Variants in PPP1R14C observed in about 807,000 individuals in gnomAD.
The protein encoded by PPP1R14C is protein phosphatase 1 regulatory inhibitor subunit 14C, also known as protein phosphatase 1 regulatory subunit 14C.
Under a neutral mutation model 20.4 loss-of-function variants are expected in PPP1R14C, and 16 were observed. The observed-to-expected ratio is 0.78, with a 90% CI of 0.53 to 1.19. The LOEUF is 1.19. PPP1R14C is among the 50% of genes most tolerant of loss of function. PPP1R14C has a pLI of 0.00. For missense variants in PPP1R14C, 211 were observed against 220.1 expected (o/e 0.96, Z 0.26); for synonymous variants, 91 against 91.0 (o/e 1.00, Z 0.00).
At chr6:150,188,644 G>A (rs1350487926) in intron 1 of PPP1R14C, among the ~76,000 whole-genome samples, 9 of 150,438 alleles carry the variant, frequency 6.0e-5, no homozygotes, top group African/African-American at 2.2e-4. Context: ...CCACCACCAC[G>A]CCCGGCTAAT....
intron 1 of PPP1R14C, among the ~76,000 whole-genome samples, chr6:150,170,946 A>G (rs1453872822): frequency 6.6e-6 from 1 of 152,004 alleles, no homozygotes; most frequent in East Asian, 1.9e-4. Context: ...TGTTTTTTAG[A>G]GCAGTTTTAG....
intron 1 of PPP1R14C, among the ~76,000 whole-genome samples, chr6:150,149,076 A>AT (rs1777212586): frequency 6.6e-6 from 1 of 152,132 alleles, no homozygotes; most frequent in African/African-American, 2.4e-5. Flanking sequence ...GAAAAAAAAA[A>AT]GTCAGTAGAT....
intron 1 of PPP1R14C, among the ~76,000 whole-genome samples, chr6:150,202,316 G>A (rs1361395156): frequency 2.0e-5 from 3 of 151,870 alleles, no homozygotes; most frequent in African/African-American, 7.2e-5. Flanking sequence ...GGGTCCCACG[G>A]AAGAGGCACT....
At chr6:150,189,792 A>C (rs536375494) in intron 1 of PPP1R14C, among the ~76,000 whole-genome samples, 8 of 152,320 alleles carry the variant, frequency 5.3e-5, no homozygotes, top group Non-Finnish European at 1.0e-4. Flanking sequence ...ACACCTCTGG[A>C]TAAAACTGTG....
chr6:150,212,470 C>A (rs1778038187), intron 1 of PPP1R14C, among the ~76,000 whole-genome samples: 1 of 151,510 alleles, frequency 6.6e-6, no homozygotes, highest in African/African-American at 2.4e-5. Context: ...CTATGCAAGT[C>A]AAAGCCTGTT....
chr6:150,230,354 T>A (rs1371827046), intron 3 of PPP1R14C, among the ~76,000 whole-genome samples: 1 of 152,194 alleles, frequency 6.6e-6, no homozygotes, highest in Non-Finnish European at 1.5e-5. Flanking sequence ...TGCTGTAAGT[T>A]GGCAGCCAGC....
At chr6:150,146,687 C>T (rs1253221623) in intron 1 of PPP1R14C, among the ~76,000 whole-genome samples, 2 of 152,170 alleles carry the variant, frequency 1.3e-5, no homozygotes, top group African/African-American at 4.8e-5. Context: ...GTGATGTCCC[C>T]CTAGGCCAGA....
chr6:150,220,101 C>T (rs944631306), intron 3 of PPP1R14C, among the ~76,000 whole-genome samples: 7 of 152,094 alleles, frequency 4.6e-5, no homozygotes, highest in Non-Finnish European at 7.4e-5. Flanking sequence ...GTGATCCACC[C>T]ACCTTGGCCT....
At chr6:150,168,363 C>T (rs886708155) in intron 1 of PPP1R14C, among the ~76,000 whole-genome samples, 9 of 151,824 alleles carry the variant, frequency 5.9e-5, no homozygotes, top group South Asian at 2.1e-4. Context: ...GGTGAAACCC[C>T]GTCTCTACTA....
intron 3 of PPP1R14C, among the ~76,000 whole-genome samples, chr6:150,230,073 GTGTGA>G (rs1562275361): frequency 2.0e-5 from 3 of 152,138 alleles, no homozygotes; most frequent in African/African-American, 7.2e-5. Flanking sequence ...GGAGTTTTCA[GTGTGA>G]TTTTTAAATG....
At chr6:150,203,418 C>A (rs1207271775) in intron 1 of PPP1R14C, among the ~76,000 whole-genome samples, 3 of 152,178 alleles carry the variant, frequency 2.0e-5, no homozygotes, top group African/African-American at 4.8e-5. Context: ...TTTTATACTC[C>A]AAGTGCAGTG....
chr6:150,201,093 G>A lies in PPP1R14C; in HGVS notation c.307-13651G>A, dbSNP rs757915709. Among the ~76,000 whole-genome samples, 3 of 152,198 alleles carry A rather than the reference G, an allele frequency of 2.0e-5. No homozygotes were observed. The highest frequency in any genetic ancestry group is 4.4e-5 in the Non-Finnish European group (3 of 68,042). On this transcript the variant is annotated intron_variant, in intron 1 of 3. Coordinates refer to ENST00000361131, the MANE Select transcript of PPP1R14C (RefSeq NM_030949.3). The surrounding 1 kb of genome is among the most constrained non-coding windows in gnomAD (Gnocchi z 4.2). ...TGTCCAGGTTTGGAACTAAGGAAGC[G>A]ATCGGCCCTATTGGGCAGGATACTC...
intron 1 of PPP1R14C, among the ~76,000 whole-genome samples, chr6:150,199,281 G>A (rs1366813453): frequency 6.6e-6 from 1 of 152,164 alleles, no homozygotes; most frequent in African/African-American, 2.4e-5. Context: ...GCTATCATTC[G>A]AATGTGTCCC....
intron 1 of PPP1R14C, among the ~76,000 whole-genome samples, chr6:150,214,043 G>A (rs1017484157): frequency 6.6e-6 from 1 of 152,210 alleles, no homozygotes; most frequent in Admixed American, 6.5e-5. Flanking sequence ...AATTTCCGGT[G>A]CCACACTTCC....
At chr6:150,220,534 A>G (rs148528408) in intron 3 of PPP1R14C, among the ~76,000 whole-genome samples, 1 of 152,344 alleles carries the variant, frequency 6.6e-6, no homozygotes, top group African/African-American at 2.4e-5. Flanking sequence ...TAGATGAATG[A>G]ACATGTAATA....
intron 1 of PPP1R14C, among the ~76,000 whole-genome samples, chr6:150,157,561 A>G (rs938564438): frequency 1.3e-5 from 2 of 152,126 alleles, no homozygotes; most frequent in African/African-American, 4.8e-5. Context: ...TGATTTATCA[A>G]GAAAGAGCCT....
At chr6:150,174,160 C>CT (rs1016977581) in intron 1 of PPP1R14C, among the ~76,000 whole-genome samples, 2 of 145,076 alleles carry the variant, frequency 1.4e-5, no homozygotes, top group African/African-American at 5.0e-5. Context: ...ACCTCACATA[C>CT]TTACCATTTT....
chr6:150,216,709 C>A, intron 2 of PPP1R14C, 115 bp from the exon 3 acceptor site: 1 of 740,662 alleles, frequency 1.4e-6, no homozygotes, highest in Non-Finnish European at 2.2e-6. Flanking sequence ...AGTATGAAAT[C>A]TTGATTTACC....
Position 150,143,247 on chromosome 6 carries a change from G to C in PPP1R14C, c.55G>C (p.Ala19Pro). 1 of 1,413,954 alleles carries C rather than the reference G, an allele frequency of 7.1e-7. No homozygotes were observed. Among genetic ancestry groups the C allele is most frequent in the Non-Finnish European group, 9.1e-7 (1 of 1,096,444 alleles). The allele number at this position is 1,413,954 out of a possible 1,614,324, so 87.6% of individuals were successfully genotyped here. ...GGCCGGCGGGGCCAGCGGCGGCGGCGCACGGGTTTTCTTCCAAAGCCCCCG... is the reference window on the plus strand; with the variant it reads ...GGCCGGCGGGGCCAGCGGCGGCGGCCCACGGGTTTTCTTCCAAAGCCCCCG... The part of the protein sequence containing the change: ...ETAGGASGGG[A>P]RVFFQSPRGG... The change falls in exon 1 of 4, where the codon GCA becomes CCA. Residue 19 changes from alanine (A) to proline (P), a missense_variant. Transcript: ENST00000361131. This position sits in a 1 kb window ranked among gnomAD's most constrained non-coding sequence, Gnocchi z 5.6.
Sources: allele counts gnomAD v4.1 joint callset (sites outside exome capture counted in the v4.1 genomes callset), GRCh38; gene constraint gnomAD v4.1.1; non-coding constraint Gnocchi (gnomAD v3.1); transcripts MANE v1.5; gene names NCBI Gene and HGNC (gene_info 2026-07-23, HGNC 2026-07-21).